The following SORL1-AS1 variants were observed in gnomAD, a reference collection of about 807,000 sequenced individuals.
The protein encoded by SORL1-AS1 is SORL1 antisense RNA 1.
rs1437376434 is a variant in SORL1-AS1 at position 121,452,102 on chromosome 11, AG to A, written n.339+572del. On this transcript the variant is annotated intron_variant and non_coding_transcript_variant, in intron 1 of 1. Transcript: ENST00000501964. The surrounding 1 kb of genome is among the most constrained non-coding windows in gnomAD (Gnocchi z 5.3). Reference sequence around the variant, plus strand: ...AGTCGCCGCCGAGGCCGCCGAGCGCAGAAAGTGCGCGAAAGGGACGCGCTGC... The same window carrying A: ...AGTCGCCGCCGAGGCCGCCGAGCGCAAAAGTGCGCGAAAGGGACGCGCTGC... 1 of 154,036 alleles carries A rather than the reference AG, an allele frequency of 6.5e-6. No homozygotes were observed. The highest frequency in any genetic ancestry group is 1.4e-5 in the Non-Finnish European group (1 of 69,892). 9.5% of individuals were successfully genotyped at this position (154,036 alleles called of 1,614,324 possible).
exon 2 of SORL1-AS1, chr11:121,449,234 C>G (rs576289228): frequency 6.6e-6 from 1 of 152,168 alleles, no homozygotes; most frequent in East Asian, 1.9e-4. Context: ...TGTTGATTTT[C>G]GTCATGATGC....
chr11:121,449,232 T>C (rs1185750056), exon 2 of SORL1-AS1: 1 of 152,210 alleles, frequency 6.6e-6, no homozygotes, highest in Non-Finnish European at 1.5e-5. Context: ...CATGTTGATT[T>C]TCGTCATGAT....
chr11:121,449,646 T>G (rs2134752904), exon 2 of SORL1-AS1: 1 of 152,372 alleles, frequency 6.6e-6, no homozygotes, highest in South Asian at 2.1e-4. Context: ...ATGCACTATT[T>G]CTCTCTGGAG....
At chr11:121,442,362 A>C (rs114553100), downstream of SORL1-AS1, among the ~76,000 whole-genome samples, 185 of 152,258 alleles carry the variant, frequency 1.2e-3, no homozygotes, top group African/African-American at 4.2e-3. Context: ...GGGCTGGGCG[A>C]AGTGGCTCAC....
At chr11:121,451,377 G>A (rs540803184) in intron 1 of SORL1-AS1, among the ~76,000 whole-genome samples, 1 of 152,204 alleles carries the variant, frequency 6.6e-6, no homozygotes, top group African/African-American at 2.4e-5. Context: ...CTCCTCTGTG[G>A]GTGTTTGCCT....
At chr11:121,438,639 T>C in the SORL1-AS1 span, among the ~76,000 whole-genome samples, 1 of 152,208 alleles carries the variant, frequency 6.6e-6, no homozygotes, top group Admixed American at 6.5e-5. Flanking sequence ...TGCTCCTTTT[T>C]ATTGTGGGGC....
downstream of SORL1-AS1, among the ~76,000 whole-genome samples, chr11:121,444,357 T>C (rs372382255): frequency 4.6e-5 from 7 of 152,222 alleles, no homozygotes; most frequent in Non-Finnish European, 5.9e-5. Context: ...TTCTAAACCA[T>C]TGACATGTAA....
exon 2 of SORL1-AS1, chr11:121,449,371 A>G (rs1303325215): frequency 6.6e-6 from 1 of 152,222 alleles, no homozygotes; most frequent in East Asian, 1.9e-4. Context: ...TTTACAACCC[A>G]GAGCTGGTTT....
chr11:121,442,630 GTCTC>G (rs1157299914), downstream of SORL1-AS1, among the ~76,000 whole-genome samples: 1 of 147,766 alleles, frequency 6.8e-6, no homozygotes, highest in Non-Finnish European at 1.5e-5. Flanking sequence ...GTGAGGCTCT[GTCTC>G]TCTCTCTTTT....
rs1276969507 is a variant in SORL1-AS1, at chr11:121,450,793, T to C, written n.340-894A>G. On this transcript the variant is annotated intron_variant and non_coding_transcript_variant, in intron 1 of 1. Coordinates refer to ENST00000501964, the Ensembl canonical transcript of SORL1-AS1. This position sits in a 1 kb window ranked among gnomAD's most constrained non-coding sequence, Gnocchi z 5.2. ...ATGGACAGAAAGACATCATCTGACT[T>C]GGGGAGAAAATCGGGTGTGGGAGGA... Among the ~76,000 whole-genome samples the C allele has an allele frequency of 1.3e-5, 2 of 152,020 alleles. No homozygotes were observed. Among genetic ancestry groups the C allele is most frequent in the Admixed American group, 1.3e-4 (2 of 15,270 alleles).
At chr11:121,441,861 G>A in the SORL1-AS1 span, among the ~76,000 whole-genome samples, 1 of 152,224 alleles carries the variant, frequency 6.6e-6, no homozygotes, top group Admixed American at 6.5e-5. Flanking sequence ...CATTATTTTG[G>A]GTCTCTGTGG....
chr11:121,444,243 T>C (rs1860698037), downstream of SORL1-AS1, among the ~76,000 whole-genome samples: 1 of 152,196 alleles, frequency 6.6e-6, no homozygotes, highest in South Asian at 2.1e-4. Context: ...AACCCAACAA[T>C]TGCTGAATGG....
rs527630362 is a variant in SORL1-AS1, at chr11:121,451,896, T to C, written n.339+779A>G. On this transcript the variant is annotated intron_variant and non_coding_transcript_variant, in intron 1 of 1. Coordinates refer to ENST00000501964, the Ensembl canonical transcript of SORL1-AS1. ...GTGCACTCAGGAAAGTGGCCACGGT[T>C]TAGGACGACCTCGACACGACCCTGT... Among the ~76,000 whole-genome samples the C allele has an allele frequency of 2.7e-4, 41 of 152,190 alleles. No individual in the cohort carries two copies. In the East Asian group the frequency reaches 7.5e-3, roughly 28 times the overall value.
chr11:121,452,230 C>G lies in SORL1-AS1; in HGVS notation n.339+445G>C. 1.1e-6 allele frequency: 1 copy of G among 950,406 alleles called. No homozygotes were observed. Among genetic ancestry groups the G allele is most frequent in the Non-Finnish European group, 1.4e-6 (1 of 735,604 alleles). The allele number at this position is 950,406 out of a possible 1,614,324, so 58.9% of individuals were successfully genotyped here. On this transcript the variant is annotated intron_variant and non_coding_transcript_variant, in intron 1 of 1. Coordinates refer to ENST00000501964, the Ensembl canonical transcript of SORL1-AS1. The surrounding 1 kb of genome is among the most constrained non-coding windows in gnomAD (Gnocchi z 5.3). ...CGGAGCGGCGCGGGCGGCCTGGAGC[C>G]CCGGGAGCGGCGCGCGCGGTCCCGG...
intron 1 of SORL1-AS1, among the ~76,000 whole-genome samples, chr11:121,451,145 TTTATTC>T (rs1457470981): frequency 6.6e-6 from 1 of 152,174 alleles, no homozygotes; most frequent in African/African-American, 2.4e-5. Flanking sequence ...TTGCTGTGTC[TTTATTC>T]TTATCAAAAA....
rs550600382 is a variant in SORL1-AS1, at chr11:121,452,703, C to T, written n.311G>A. On this transcript the variant is annotated non_coding_transcript_exon_variant, in exon 1 of 2. Coordinates refer to ENST00000501964, the Ensembl canonical transcript of SORL1-AS1. This position sits in a 1 kb window ranked among gnomAD's most constrained non-coding sequence, Gnocchi z 5.3. The stretch of plus-strand genomic sequence containing the variant: ...CGCATCCATCCGTTGCAGTCGCCTC[C>T]TAGGTGCAGGCACCACTGGGGACTT... 41 of 1,243,436 alleles carry T rather than the reference C, an allele frequency of 3.3e-5. No homozygotes were observed. The African/African-American group carries it at 5.7e-4, about 17-fold the overall frequency. 77.0% of individuals were successfully genotyped at this position (1,243,436 alleles called of 1,614,324 possible).
At chr11:121,439,521 A>C in the SORL1-AS1 span, among the ~76,000 whole-genome samples, 1 of 151,978 alleles carries the variant, frequency 6.6e-6, no homozygotes, top group Non-Finnish European at 1.5e-5. Flanking sequence ...CCAGACACCC[A>C]AGGGATTTGA....
At chr11:121,446,704 T>C (rs1413492080), downstream of SORL1-AS1, among the ~76,000 whole-genome samples, 1 of 151,370 alleles carries the variant, frequency 6.6e-6, no homozygotes, top group Admixed American at 6.6e-5. Context: ...TGAGCTGAGA[T>C]TGCACTACTG....
downstream of SORL1-AS1, among the ~76,000 whole-genome samples, chr11:121,446,121 C>A (rs894180642): frequency 7.9e-5 from 12 of 152,172 alleles, no homozygotes; most frequent in African/African-American, 2.9e-4. Context: ...GGGGGTAATT[C>A]TCTCTCACCA....
Sources: allele counts gnomAD v4.1 joint callset (sites outside exome capture counted in the v4.1 genomes callset), GRCh38; gene constraint gnomAD v4.1.1; non-coding constraint Gnocchi (gnomAD v3.1); transcripts MANE v1.5; gene names NCBI Gene and HGNC (gene_info 2026-07-23, HGNC 2026-07-21).